The following DNAH8 variants were observed in gnomAD, a reference collection of about 807,000 sequenced individuals.
The protein encoded by DNAH8 is dynein axonemal heavy chain 8.
In DNAH8, 382 loss-of-function variants were observed where a neutral mutation model predicts 562.1. The observed-to-expected ratio is 0.68, with a 90% CI of 0.63 to 0.74. The LOEUF is 0.74. DNAH8 is among the 30% of genes least tolerant of loss of function. DNAH8 has a pLI of 0.00. For missense variants in DNAH8, 5,203 were observed against 5,620.4 expected, an observed-to-expected ratio of 0.93 and a Z score of 2.37; for synonymous variants, 1,881 against 1,919.4, an observed-to-expected ratio of 0.98 and a Z score of 0.52.
intron 85 of DNAH8, among the ~76,000 whole-genome samples, chr6:38,979,980 T>C (rs2150708343): frequency 6.6e-6 from 1 of 152,298 alleles, no homozygotes; most frequent in Non-Finnish European, 1.5e-5. Flanking sequence ...ATGGAAGAAA[T>C]TCCAAGAACT....
intron 87 of DNAH8, among the ~76,000 whole-genome samples, chr6:38,989,795 T>G (rs1467142038): frequency 1.3e-5 from 2 of 152,208 alleles, no homozygotes; most frequent in Non-Finnish European, 2.9e-5. Flanking sequence ...AATATCTTCT[T>G]TGGTGTTAAA....
intron 36 of DNAH8, 90 bp from the exon 37 acceptor site, chr6:38,848,558 G>T: frequency 9.5e-7 from 1 of 1,050,190 alleles, no homozygotes. Context: ...CATTCCCAAA[G>T]TAATATTTCT....
chr6:38,878,047 TG>T (rs901423638), intron 53 of DNAH8, among the ~76,000 whole-genome samples: 6 of 152,168 alleles, frequency 3.9e-5, no homozygotes, highest in African/African-American at 7.2e-5. Flanking sequence ...GGCTGGAATT[TG>T]CAGGGCAGAG....
At chr6:38,867,194 A>C (rs193173047) in intron 47 of DNAH8, among the ~76,000 whole-genome samples, 10 of 151,730 alleles carry the variant, frequency 6.6e-5, no homozygotes, top group East Asian at 5.9e-4. Flanking sequence ...CACAGAGTTT[A>C]AGGTTTCATC....
At chr6:38,832,555 G>T in intron 31 of DNAH8, 120 bp downstream of exon 31, 1 of 590,968 alleles carries the variant, frequency 1.7e-6, no homozygotes, top group Admixed American at 2.9e-5. Context: ...TTGCGTATTT[G>T]CAGCTATCAG....
At chr6:38,781,436 T>C (rs1215626048) in intron 16 of DNAH8, 63 bp downstream of exon 16, 1 of 1,141,418 alleles carries the variant, frequency 8.8e-7, no homozygotes, top group Non-Finnish European at 1.2e-6. Flanking sequence ...AAATATATCA[T>C]ATCCTATAAT....
intron 58 of DNAH8, among the ~76,000 whole-genome samples, chr6:38,891,984 TTTTAGCAGCATTTGACCTAAATGATCC>T (rs1779368656): frequency 1.3e-5 from 2 of 152,316 alleles, no homozygotes; most frequent in Non-Finnish European, 1.5e-5. Flanking sequence ...TTACTTGACT[TTTTAGCAGCATTTGACCTAAATGATCC>T]TTTAGCAGCA....
intron 82 of DNAH8, among the ~76,000 whole-genome samples, chr6:38,962,793 A>T (rs767114642): frequency 1.1e-4 from 17 of 152,226 alleles, no homozygotes; most frequent in Non-Finnish European, 2.5e-4. Flanking sequence ...AAACATCTGT[A>T]TGTTATAAAA....
At chr6:38,761,947 T>A (rs981706272) in intron 11 of DNAH8, 144 bp downstream of exon 11, 11 of 477,456 alleles carry the variant, frequency 2.3e-5, no homozygotes. Context: ...ATTCTTATTA[T>A]CTATTTCCCT....
chr6:38,724,896 G>T (rs1483294887), intron 3 of DNAH8, among the ~76,000 whole-genome samples: 2 of 152,020 alleles, frequency 1.3e-5, no homozygotes, highest in African/African-American at 4.8e-5. Context: ...GTGGGGTTGT[G>T]GTGAGGTTGT....
In DNAH8 at chr6:38,945,466, G is replaced by A; in HGVS notation, c.12008-1G>A. On this transcript the variant is annotated splice_acceptor_variant, in intron 79 of 92. Coordinates refer to ENST00000327475, the MANE Select transcript of DNAH8 (RefSeq NM_001206927.2). LOFTEE classifies it high-confidence loss of function. ...TCACCCTGTCTGACGCTCTTCCCCA[G>A]GGGGAGCAGCTCTGGACCTGAAAGC... 1 of 1,613,992 alleles carries A rather than the reference G, an allele frequency of 6.2e-7. No homozygotes were observed. The highest frequency in any genetic ancestry group is 8.5e-7 in the Non-Finnish European group (1 of 1,179,872).
intron 1 of DNAH8, among the ~76,000 whole-genome samples, chr6:38,722,112 T>C (rs746467896): frequency 3.9e-5 from 6 of 152,206 alleles, no homozygotes; most frequent in Non-Finnish European, 7.3e-5. Flanking sequence ...TATTAGAGCT[T>C]TTCTGTTTAG....
At chr6:38,899,718 A>T in intron 61 of DNAH8, 58 bp from the exon 62 acceptor site, 1 of 1,596,488 alleles carries the variant, frequency 6.3e-7, no homozygotes, top group Non-Finnish European at 8.6e-7. Flanking sequence ...ATTTAGTGCA[A>T]GAAAATGTAA....
At chr6:39,007,313 A>G (rs1765858090) in intron 88 of DNAH8, among the ~76,000 whole-genome samples, 1 of 152,230 alleles carries the variant, frequency 6.6e-6, no homozygotes, top group South Asian at 2.1e-4. Context: ...TCCATATTAC[A>G]ATGGCTTGTT....
In DNAH8 at chr6:39,018,803, C is replaced by T. The variant is rs557882819; in HGVS notation, c.13714+6166C>T. ...AAGGAGAGTAGTAAGTAAGTAGTGG[C>T]AGGTGCTCCAAGAGGGCAAGTAAGA... On this transcript the variant is annotated intron_variant, in intron 91 of 92. Coordinates refer to ENST00000327475, the MANE Select transcript of DNAH8 (RefSeq NM_001206927.2). Among the ~76,000 whole-genome samples, 15 of 152,222 alleles carry T rather than the reference C, an allele frequency of 9.9e-5. No homozygotes were observed. The South Asian group carries it at 3.1e-3, about 32-fold the overall frequency.
chr6:38,726,246 G>A (rs1763208039), intron 3 of DNAH8, among the ~76,000 whole-genome samples: 1 of 152,198 alleles, frequency 6.6e-6, no homozygotes, highest in African/African-American at 2.4e-5. Flanking sequence ...TATAGGCATA[G>A]GCATTGCGGC....
rs1224317201 is a variant in DNAH8, at chr6:38,790,147, A to G, written c.2665-142A>G. 6 of 694,028 alleles carry G rather than the reference A, an allele frequency of 8.6e-6. No individual in the cohort carries two copies. In the East Asian group the frequency reaches 1.4e-4, roughly 16 times the overall value. The allele number at this position is 694,028 out of a possible 1,614,324, so 43.0% of individuals were successfully genotyped here. A position where few individuals can be genotyped will look rare whatever the true frequency, so the allele number is the denominator to read the frequency against. On this transcript the variant is annotated intron_variant, in intron 19 of 92. Transcript: ENST00000327475. ...GACAGCCAAAGATGGTTAAAAATAA[A>G]AAGTCATCTTTATTAGGTGTAATAG...
At chr6:38,883,768 T>C in intron 55 of DNAH8, 108 bp from the exon 56 acceptor site, 1 of 914,738 alleles carries the variant, frequency 1.1e-6, no homozygotes, top group East Asian at 3.0e-5. Flanking sequence ...TATGTATACT[T>C]ATTAAATGCG....
chr6:38,997,596 AG>A (rs1765222767), intron 88 of DNAH8, among the ~76,000 whole-genome samples: 1 of 152,116 alleles, frequency 6.6e-6, no homozygotes, highest in African/African-American at 2.4e-5. Context: ...CCCAGGTGAA[AG>A]ATTTGAATGC....
Sources: allele counts gnomAD v4.1 joint callset (sites outside exome capture counted in the v4.1 genomes callset), GRCh38; gene constraint gnomAD v4.1.1; transcripts MANE v1.5; gene names NCBI Gene and HGNC (gene_info 2026-07-23, HGNC 2026-07-21).